PRKAR1B: variants seen among roughly 807,000 people sequenced by gnomAD.
PRKAR1B encodes protein kinase cAMP-dependent type I regulatory subunit beta.
A neutral mutation model predicts 46.5 loss-of-function variants in PRKAR1B; 22 were observed. That is an observed-to-expected ratio of 0.47 (90% confidence interval 0.34 to 0.68). The LOEUF (loss-of-function observed/expected upper bound fraction) is 0.68. Among genes scored for constraint, PRKAR1B ranks in the 30% least tolerant of loss-of-function variants. The pLI is 0.01. For missense variants in PRKAR1B, 445 were observed against 535.6 expected (o/e 0.83, Z 1.67); for synonymous variants, 259 against 217.7 (o/e 1.19, Z -1.67).
At chr7:670,785 A>C (rs545325157) in intron 4 of PRKAR1B, among the ~76,000 whole-genome samples, 4 of 148,842 alleles carry the variant, frequency 2.7e-5, no homozygotes, top group Non-Finnish European at 4.5e-5. Flanking sequence ...AGAGGGGCTC[A>C]GGACCGAAGA....
intron 2 of PRKAR1B, among the ~76,000 whole-genome samples, chr7:702,044 G>GA (rs1341998020): frequency 2.0e-5 from 3 of 152,170 alleles, no homozygotes; most frequent in Non-Finnish European, 2.9e-5. Context: ...ATTGTCAAGG[G>GA]AGTGGGGGAA....
intron 9 of PRKAR1B, among the ~76,000 whole-genome samples, chr7:561,733 C>T (rs1778813239): frequency 6.6e-6 from 1 of 152,258 alleles, no homozygotes; most frequent in Non-Finnish European, 1.5e-5. Flanking sequence ...AGCTCCTGTG[C>T]CAGCGTTTAA....
chr7:583,568 A>ATACACACCCACACACGTG (rs1562537574), intron 8 of PRKAR1B, among the ~76,000 whole-genome samples: 73 of 55,664 alleles, frequency 1.3e-3, no homozygotes, highest in African/African-American at 5.4e-3. Context: ...GTGCACACCC[A>ATACACACCCACACACGTG]TGCACACACA....
intron 4 of PRKAR1B, among the ~76,000 whole-genome samples, chr7:676,654 G>C (rs1562607705): frequency 6.6e-6 from 1 of 152,226 alleles, no homozygotes; most frequent in African/African-American, 2.4e-5. Context: ...ATAGTATTTC[G>C]GGAAGCCACC....
At chr7:581,308 A>C (rs1477166395) in intron 8 of PRKAR1B, among the ~76,000 whole-genome samples, 5 of 64,684 alleles carry the variant, frequency 7.7e-5, no homozygotes, top group African/African-American at 1.8e-4. Flanking sequence ...GTCTCAAAAA[A>C]AAAAAAAAAA....
chr7:619,310 C>A (rs1166823530), intron 4 of PRKAR1B, among the ~76,000 whole-genome samples: 1 of 152,238 alleles, frequency 6.6e-6, no homozygotes, highest in Non-Finnish European at 1.5e-5. Flanking sequence ...CCTCCAGAAG[C>A]ATGAGACGCT....
chr7:551,310 C>G, intron 10 of PRKAR1B, 79 bp downstream of exon 10: 2 of 1,382,990 alleles, frequency 1.4e-6, no homozygotes, highest in Non-Finnish European at 2.0e-6. Context: ...CCCAGCAGCT[C>G]CTCACCTCCA....
rs745408835 is a variant in PRKAR1B at position 714,643 on chromosome 7, G to A, written c.-22-3116C>T. 5.9e-5 allele frequency among the ~76,000 whole-genome samples: 9 copies of A among 152,176 alleles called. No individual in the cohort carries two copies. Among genetic ancestry groups the A allele is most frequent in the East Asian group, 3.9e-4 (2 of 5,194 alleles). On this transcript the variant is annotated intron_variant, in intron 1 of 10. Coordinates refer to ENST00000537384, the MANE Select transcript of PRKAR1B (RefSeq NM_001164760.2). This position sits in a 1 kb window ranked among gnomAD's most constrained non-coding sequence, Gnocchi z 4.3. ...ACTGGCTCTGGTAGGAGTGCGAGGC[G>A]TGGCCCCCACCGCCCCAACCTGCAG...
intron 1 of PRKAR1B, among the ~76,000 whole-genome samples, chr7:715,984 G>T (rs1156675359): frequency 6.6e-6 from 1 of 152,006 alleles, no homozygotes; most frequent in Non-Finnish European, 1.5e-5. Flanking sequence ...CAAAGTGCTG[G>T]GATTACAGGC....
intron 9 of PRKAR1B, among the ~76,000 whole-genome samples, chr7:552,611 C>T (rs1784315328): frequency 6.6e-6 from 1 of 152,102 alleles, no homozygotes; most frequent in Non-Finnish European, 1.5e-5. Context: ...GCCCAGAGAC[C>T]ACCGTCCGGC....
chr7:623,359 C>T (rs1372553993), intron 4 of PRKAR1B, among the ~76,000 whole-genome samples: 1 of 152,264 alleles, frequency 6.6e-6, no homozygotes, highest in Admixed American at 6.5e-5. Flanking sequence ...AATTCTCTCT[C>T]TGGCCAAACT....
chr7:563,869 T>A (rs1241978995), intron 9 of PRKAR1B, among the ~76,000 whole-genome samples: 1 of 151,626 alleles, frequency 6.6e-6, no homozygotes, highest in Non-Finnish European at 1.5e-5. Flanking sequence ...TGGGTGTGCA[T>A]GGGTTGTGGG....
intron 4 of PRKAR1B, among the ~76,000 whole-genome samples, chr7:662,095 C>T (rs1288404668): frequency 9.7e-5 from 10 of 103,360 alleles, no homozygotes; most frequent in Admixed American, 2.7e-4. Flanking sequence ...TACTCTCCCC[C>T]CCATGGCACA....
Position 711,323 on chromosome 7 carries a change from A to G in PRKAR1B, c.177+6T>C, listed in dbSNP as rs373533506. 31 of 1,613,770 alleles carry G rather than the reference A, an allele frequency of 1.9e-5. No individual in the cohort carries two copies. The highest frequency in any genetic ancestry group is 4.2e-6 in the Non-Finnish European group (5 of 1,179,858). ...AGGGAAGCAGCGGGCGGCGGGGGCCACTCACCTTCTCCAGCTTCTCGAAGT... is the reference window on the plus strand; with the variant it reads ...AGGGAAGCAGCGGGCGGCGGGGGCCGCTCACCTTCTCCAGCTTCTCGAAGT... On this transcript the variant is annotated splice_donor_region_variant and intron_variant, in intron 2 of 10. Coordinates refer to ENST00000537384, the MANE Select transcript of PRKAR1B (RefSeq NM_001164760.2).
At chr7:594,810 C>A (rs1002383926) in intron 7 of PRKAR1B, among the ~76,000 whole-genome samples, 1 of 151,986 alleles carries the variant, frequency 6.6e-6, no homozygotes, top group Non-Finnish European at 1.5e-5. Context: ...GACCCCAAGA[C>A]CATGAGGGGA....
At chr7:571,114 A>T (rs1779485340) in intron 9 of PRKAR1B, among the ~76,000 whole-genome samples, 1 of 152,184 alleles carries the variant, frequency 6.6e-6, no homozygotes, top group Non-Finnish European at 1.5e-5. Flanking sequence ...AGGCGGCCCC[A>T]AAAGAGCGAC....
At chr7:628,196 A>C (rs528453164) in intron 4 of PRKAR1B, among the ~76,000 whole-genome samples, 74 of 152,376 alleles carry the variant, frequency 4.9e-4, no homozygotes, top group African/African-American at 1.7e-3. Context: ...TATTTGCTCA[A>C]CCAGACTCAG....
chr7:660,778 G>A (rs1411252135), intron 4 of PRKAR1B, among the ~76,000 whole-genome samples: 4 of 91,214 alleles, frequency 4.4e-5, no homozygotes, highest in African/African-American at 4.7e-5. Context: ...CCATAGCACA[G>A]GTCCCCACCC....
intron 4 of PRKAR1B, among the ~76,000 whole-genome samples, chr7:665,021 T>C (rs1245449185): frequency 6.6e-6 from 1 of 151,922 alleles, no homozygotes; most frequent in African/African-American, 2.4e-5. Context: ...CCTGAGGTTC[T>C]TCTCTCCACT....
Sources: gnomAD v4.1 joint callset for allele counts (sites outside exome capture counted in the v4.1 genomes callset) on GRCh38, gnomAD v4.1.1 for gene constraint, Gnocchi (gnomAD v3.1) non-coding constraint, MANE v1.5 for transcripts, NCBI Gene and HGNC (gene_info 2026-07-23, HGNC 2026-07-21) for gene names.